COL18A1: variants seen among roughly 807,000 people sequenced by gnomAD.
COL18A1 encodes collagen alpha-1(XVIII) chain.
A neutral mutation model predicts 168.0 loss-of-function variants in COL18A1; 133 were observed. The observed-to-expected ratio is 0.79, with a 90% CI of 0.69 to 0.91. The LOEUF (loss-of-function observed/expected upper bound fraction) is 0.91, where lower values mean the gene tolerates loss of function less well. Ranked by LOEUF, COL18A1 falls within the 40% of genes least tolerant of loss-of-function variation. The probability of loss-of-function intolerance (pLI) is 0.00; values close to 1 mark genes in which losing one functional copy is unlikely to be tolerated. For missense variants in COL18A1, 2,126 were observed against 1,925.4 expected (o/e 1.10, Z -1.95); for synonymous variants, 949 against 809.0 (o/e 1.17, Z -2.94).
chr21:45,460,229 G>C (rs2034996677), intron 2 of COL18A1, among the ~76,000 whole-genome samples: 1 of 152,238 alleles, frequency 6.6e-6, no homozygotes, highest in Non-Finnish European at 1.5e-5. Flanking sequence ...AGACCAGCAG[G>C]CATCCACCCT....
In COL18A1 at chr21:45,443,516, C is replaced by T. The variant is rs1055469203; in HGVS notation, c.107-24726C>T. 2.6e-5 allele frequency among the ~76,000 whole-genome samples: 4 copies of T among 152,160 alleles called. No homozygotes were observed. Among genetic ancestry groups the T allele is most frequent in the South Asian group, 2.1e-4 (1 of 4,820 alleles). On this transcript the variant is annotated intron_variant, in intron 2 of 41. Coordinates refer to ENST00000651438, the MANE Select transcript of COL18A1 (RefSeq NM_001379500.1). The surrounding 1 kb of genome is among the most constrained non-coding windows in gnomAD (Gnocchi z 5.2). ...ACTGGCCACCCAGAGCTAGGAGCCT[C>T]GGCCAAGGGCTCCCTCCTTGCACTG...
At position 45,445,691 on chromosome 21, in the gene COL18A1, ATGATGAC is replaced by A. The variant is rs542396696; in HGVS notation, c.107-22546_107-22540del. Among the ~76,000 whole-genome samples the A allele has an allele frequency of 6.0e-3, 917 of 152,268 alleles. 13 individuals carry two copies. The highest frequency in any genetic ancestry group is 0.017 in the South Asian group (82 of 4,826). The stretch of plus-strand genomic sequence containing the variant: ...TCTTGTGGTTTTCATTTGCATTTTC[ATGATGAC>A]TGATAATGTTGAACATCTTTTTTTG... On this transcript the variant is annotated intron_variant, in intron 2 of 41. Coordinates refer to ENST00000651438, the MANE Select transcript of COL18A1 (RefSeq NM_001379500.1).
chr21:45,408,143 C>G (rs1241260482), intron 2 of COL18A1: 4 of 152,238 alleles, frequency 2.6e-5, no homozygotes, highest in Non-Finnish European at 5.9e-5. Context: ...GTAGGAAAAC[C>G]TAGAAGGAGT....
Position 45,475,459 on chromosome 21 carries a change from CT to C in COL18A1, c.739-13del. On this transcript the variant is annotated splice_polypyrimidine_tract_variant and intron_variant, in intron 4 of 41. Coordinates refer to ENST00000651438, the MANE Select transcript of COL18A1 (RefSeq NM_001379500.1). ...TGGCTGCCATCTCTCCAGCCTTTCC[CT>C]TTTCAAACTCCTCAGGCATCCGGAG... is the stretch of plus-strand genomic sequence containing the variant. 1 of 1,589,822 alleles carries C rather than the reference CT, an allele frequency of 6.3e-7. No homozygotes were observed. Among genetic ancestry groups the C allele is most frequent in the Non-Finnish European group, 8.6e-7 (1 of 1,169,534 alleles).
chr21:45,468,839 G>A (rs2035311344), intron 3 of COL18A1, 53 bp downstream of exon 3: 13 of 1,435,448 alleles, frequency 9.1e-6, no homozygotes, highest in Non-Finnish European at 1.2e-5. Context: ...GATGGGGTGG[G>A]GTGGGGGTGG....
intron 32 of COL18A1, among the ~76,000 whole-genome samples, chr21:45,501,226 G>T (rs2036804492): frequency 1.3e-5 from 2 of 152,026 alleles, no homozygotes; most frequent in South Asian, 2.1e-4. Flanking sequence ...ACATTTCTAT[G>T]CATCTAATGA....
intron 2 of COL18A1, among the ~76,000 whole-genome samples, chr21:45,455,101 G>A (rs774999948): frequency 3.9e-5 from 6 of 152,258 alleles, no homozygotes; most frequent in Non-Finnish European, 5.9e-5. Flanking sequence ...CAGGCCAGGC[G>A]CCTCTGGGCG....
At chr21:45,413,425 C>T (rs1252843064) in intron 2 of COL18A1, among the ~76,000 whole-genome samples, 3 of 152,242 alleles carry the variant, frequency 2.0e-5, no homozygotes, top group African/African-American at 7.2e-5. Context: ...GGATTTGTGA[C>T]TGGGCGGCAA....
rs1200737111 is a variant in COL18A1 at position 45,481,110 on chromosome 21, C to A, written c.1611+252C>A. ...TGACCGCAAGCAAGGCCTCCGACCT[C>A]TCTGGCCCTGTGGGTCCACGGACTG... On this transcript the variant is annotated intron_variant, in intron 13 of 41. Coordinates refer to ENST00000651438, the MANE Select transcript of COL18A1 (RefSeq NM_001379500.1). Among the ~76,000 whole-genome samples, 3 of 152,222 alleles carry A rather than the reference C, an allele frequency of 2.0e-5. No individual in the cohort carries two copies. The East Asian group carries it at 5.8e-4, about 29-fold the overall frequency.
intron 18 of COL18A1, 144 bp downstream of exon 18, chr21:45,488,588 A>G: frequency 8.5e-7 from 1 of 1,183,348 alleles, no homozygotes; most frequent in Non-Finnish European, 1.2e-6. Context: ...TGCAAAATAC[A>G]GCAAAAAAGC....
At chr21:45,406,865 A>T (rs978240643) in intron 2 of COL18A1, among the ~76,000 whole-genome samples, 3 of 152,384 alleles carry the variant, frequency 2.0e-5, no homozygotes, top group Non-Finnish European at 2.9e-5. Flanking sequence ...CAATCTTGAG[A>T]TCTAAGAGTG....
chr21:45,440,978 G>A (rs1385545826), intron 2 of COL18A1, among the ~76,000 whole-genome samples: 2 of 152,180 alleles, frequency 1.3e-5, no homozygotes, highest in African/African-American at 4.8e-5. Flanking sequence ...CTCATAGGAG[G>A]CTCAGCAGTT....
chr21:45,424,744 C>A (rs1254965676), intron 2 of COL18A1: 1 of 152,292 alleles, frequency 6.6e-6, no homozygotes, highest in Non-Finnish European at 1.5e-5. Flanking sequence ...CAGCCCTTGG[C>A]CCCCACTGAC....
Position 45,493,222 on chromosome 21 carries a change from C to A in COL18A1, c.2274C>A (p.Pro758=), listed in dbSNP as rs1277616522. The change falls in exon 25 of 42, where the codon CCC becomes CCA. Residue 758 remains proline, a synonymous_variant. Transcript: ENST00000651438. ...AGGGCGAACGAGGCTCCCCGGGACC[C>A]AAGGTAAGGGGCTCAGGTGCTGTCC... is the stretch of plus-strand genomic sequence containing the variant. ...GSKGERGSPG[P]KGEKGEPGSI... 1.8e-5 allele frequency: 28 copies of A among 1,557,712 alleles called. No individual in the cohort carries two copies. Among genetic ancestry groups the A allele is most frequent in the South Asian group, 2.4e-5 (2 of 84,644 alleles).
chr21:45,437,978 A>ACT (rs1602383980), intron 2 of COL18A1, among the ~76,000 whole-genome samples: 1 of 70,472 alleles, frequency 1.4e-5, no homozygotes. Flanking sequence ...ACACACACTC[A>ACT]CACACTCAGA....
Position 45,468,286 on chromosome 21 carries a change from C to A in COL18A1, c.151C>A (p.Pro51Thr). 4 of 1,613,224 alleles carry A rather than the reference C, an allele frequency of 2.5e-6. No individual in the cohort carries two copies. The highest frequency in any genetic ancestry group is 1.3e-5 in the African/African-American group (1 of 75,082). The change falls in exon 3 of 42, where the codon CCC (proline) becomes ACC (threonine). Residue 51 changes from proline to threonine, a missense_variant. Pro to Thr is a conservative substitution (Grantham distance 38). Transcript: ENST00000651438. ...GGGGCTGCTGCAGCTCCTTGGGGAC[C>A]CCCCGCCCCAGCAGGTCACCCAGAC... ...EVGLLQLLGD[P>T]PPQQVTQTDD...
intron 22 of COL18A1, 92 bp from the exon 23 acceptor site, chr21:45,492,443 T>A (rs923146957): frequency 6.9e-7 from 1 of 1,442,086 alleles, no homozygotes; most frequent in African/African-American, 1.4e-5. Flanking sequence ...AATTTCCTGG[T>A]TTGGTGTTTT....
At chr21:45,504,899 TG>T (rs1259537089) in intron 34 of COL18A1, among the ~76,000 whole-genome samples, 2 of 141,224 alleles carry the variant, frequency 1.4e-5, no homozygotes, top group Non-Finnish European at 3.0e-5. Context: ...AGCTACTGCC[TG>T]GGGGCCCACA....
chr21:45,428,175 C>T lies in COL18A1; in HGVS notation c.106+22702C>T, dbSNP rs556649809. Among the ~76,000 whole-genome samples the T allele has an allele frequency of 3.3e-5, 5 of 152,296 alleles. No homozygotes were observed. In the South Asian group the frequency reaches 6.2e-4, roughly 19 times the overall value. On this transcript the variant is annotated intron_variant, in intron 2 of 41. Transcript: ENST00000651438. ...GTCCGGCGCTCCTGCAGGCAGGCGG[C>T]GTCTGGGCCTGGGGGCTCTCAGAGT...
Sources: allele counts gnomAD v4.1 joint callset (sites outside exome capture counted in the v4.1 genomes callset), GRCh38; gene constraint gnomAD v4.1.1; non-coding constraint Gnocchi (gnomAD v3.1); transcripts MANE v1.5; gene names NCBI Gene and HGNC (gene_info 2026-07-23, HGNC 2026-07-21).